MLLT3: variants seen among roughly 807,000 people sequenced by gnomAD.
MLLT3 encodes the protein protein AF-9.
Under a neutral mutation model 53.2 loss-of-function variants are expected in MLLT3, and 4 were observed. That is an observed-to-expected ratio of 0.08 (90% confidence interval 0.04 to 0.17). MLLT3 has a LOEUF of 0.17. Among genes scored for constraint, MLLT3 ranks in the 10% least tolerant of loss-of-function variants. The probability of loss-of-function intolerance (pLI) is 1.00; values close to 1 mark genes in which losing one functional copy is unlikely to be tolerated. For missense variants in MLLT3, 569 were observed against 684.0 expected, an observed-to-expected ratio of 0.83 and a Z score of 1.87; for synonymous variants, 283 against 230.6, an observed-to-expected ratio of 1.23 and a Z score of -2.06.
intron 8 of MLLT3, among the ~76,000 whole-genome samples, chr9:20,356,658 C>T (rs1167330497): frequency 1.3e-5 from 2 of 152,194 alleles, no homozygotes; most frequent in African/African-American, 4.8e-5. Context: ...ATCCCCTCCT[C>T]CAACTCCTGT....
chr9:20,588,789 C>T (rs1046882426), intron 2 of MLLT3, among the ~76,000 whole-genome samples: 3 of 152,170 alleles, frequency 2.0e-5, no homozygotes, highest in Non-Finnish European at 2.9e-5. Flanking sequence ...CATCTGCAAA[C>T]AGGGACAATT....
intron 4 of MLLT3, among the ~76,000 whole-genome samples, chr9:20,443,366 G>C (rs1389464791): frequency 6.6e-6 from 1 of 152,156 alleles, no homozygotes; most frequent in Non-Finnish European, 1.5e-5. Flanking sequence ...CTCTTCTAAG[G>C]AAACACACAG....
At chr9:20,478,258 C>A (rs183283849) in intron 2 of MLLT3, among the ~76,000 whole-genome samples, 9 of 152,248 alleles carry the variant, frequency 5.9e-5, no homozygotes, top group African/African-American at 2.2e-4. Context: ...ACACGGCATT[C>A]TTTGCATACA....
intron 4 of MLLT3, among the ~76,000 whole-genome samples, chr9:20,443,223 C>T (rs184212343): frequency 1.3e-5 from 2 of 152,150 alleles, no homozygotes; most frequent in East Asian, 1.9e-4. Context: ...CAAAGCAGGC[C>T]ATTTGGTTTC....
intron 2 of MLLT3, among the ~76,000 whole-genome samples, chr9:20,518,239 G>A (rs964887077): frequency 2.0e-5 from 3 of 152,070 alleles, no homozygotes; most frequent in Admixed American, 6.5e-5. Flanking sequence ...CAGCTACTCA[G>A]GAGGCTGAGG....
Position 20,621,050 on chromosome 9 carries a change from GC to G in MLLT3, c.13-217del. 1 of 689,920 alleles carries G rather than the reference GC, an allele frequency of 1.4e-6. No homozygotes were observed. 42.7% of individuals were successfully genotyped at this position (689,920 alleles called of 1,614,324 possible). A position where few individuals can be genotyped will look rare whatever the true frequency, so the allele number is the denominator to read the frequency against. ...CCCGGCTTGGCCCCAGGCGCCCCGG[GC>G]CCCGCATCTACATCGGACAGGATTG... On this transcript the variant is annotated intron_variant, in intron 1 of 10. Coordinates refer to ENST00000380338, the MANE Select transcript of MLLT3 (RefSeq NM_004529.4). The surrounding 1 kb of genome is among the most constrained non-coding windows in gnomAD (Gnocchi z 7.0).
At chr9:20,360,621 C>A (rs1821296298) in intron 8 of MLLT3, 121 bp downstream of exon 8, 2 of 763,284 alleles carry the variant, frequency 2.6e-6, no homozygotes, top group Non-Finnish European at 4.6e-6. Context: ...GCCTCCCTCC[C>A]ATCTATTTGG....
chr9:20,544,203 C>A (rs1225797631), intron 2 of MLLT3, among the ~76,000 whole-genome samples: 1 of 152,166 alleles, frequency 6.6e-6, no homozygotes, highest in Non-Finnish European at 1.5e-5. Flanking sequence ...CTTTATAAAA[C>A]TCCTAGAAGA....
intron 5 of MLLT3, among the ~76,000 whole-genome samples, chr9:20,394,300 C>A (rs1300388399): frequency 2.6e-5 from 4 of 152,080 alleles, no homozygotes; most frequent in East Asian, 1.9e-4. Flanking sequence ...GGAGGCAGAG[C>A]AGTTCTTCCG....
intron 5 of MLLT3, among the ~76,000 whole-genome samples, chr9:20,373,936 T>G (rs964628575): frequency 7.0e-6 from 1 of 143,038 alleles, no homozygotes; most frequent in South Asian, 2.1e-4. Context: ...TTGGTCCTTC[T>G]TTCATTAAAA....
At chr9:20,355,095 T>TAAAAAAAAAAAAAAAAAAAAAACA (rs1821138121) in intron 8 of MLLT3, among the ~76,000 whole-genome samples, 1 of 64,164 alleles carries the variant, frequency 1.6e-5, no homozygotes, top group African/African-American at 5.5e-5. Context: ...AAAGTAGAAC[T>TAAAAAAAAAAAAAAAAAAAAAACA]AAAAAAAAAA....
At chr9:20,351,990 T>G (rs1587142015) in intron 10 of MLLT3, among the ~76,000 whole-genome samples, 1 of 152,204 alleles carries the variant, frequency 6.6e-6, no homozygotes, top group African/African-American at 2.4e-5. Flanking sequence ...AGTGCCTTTA[T>G]GCCAGGTTAA....
intron 2 of MLLT3, among the ~76,000 whole-genome samples, chr9:20,589,150 G>A (rs1820058155): frequency 6.7e-6 from 1 of 149,092 alleles, no homozygotes; most frequent in Non-Finnish European, 1.5e-5. Flanking sequence ...GTTTATTGCG[G>A]CACTATTCAC....
chr9:20,483,223 C>T (rs1448881964), intron 2 of MLLT3, among the ~76,000 whole-genome samples: 2 of 126,098 alleles, frequency 1.6e-5, no homozygotes, highest in African/African-American at 3.3e-5. Context: ...TATATTACTA[C>T]AAATTATTAT....
At chr9:20,483,953 C>T (rs542413645) in intron 2 of MLLT3, among the ~76,000 whole-genome samples, 4 of 151,802 alleles carry the variant, frequency 2.6e-5, no homozygotes, top group South Asian at 4.2e-4. Context: ...CCTCATGATC[C>T]GCCCGCCTTG....
At chr9:20,430,351 GTTACA>G (rs568367229) in intron 4 of MLLT3, among the ~76,000 whole-genome samples, 107 of 152,170 alleles carry the variant, frequency 7.0e-4, no homozygotes, top group African/African-American at 2.4e-3. Context: ...ACTAGAACTT[GTTACA>G]TTATATAGCC....
intron 2 of MLLT3, among the ~76,000 whole-genome samples, chr9:20,550,768 T>C (rs1243272915): frequency 1.3e-5 from 2 of 152,114 alleles, no homozygotes; most frequent in Non-Finnish European, 2.9e-5. Flanking sequence ...ATTTATTTAG[T>C]TTTTTAAGAG....
intron 3 of MLLT3, among the ~76,000 whole-genome samples, chr9:20,455,139 G>A (rs990988090): frequency 3.9e-5 from 6 of 152,164 alleles, no homozygotes; most frequent in African/African-American, 1.2e-4. Context: ...AGTATATCAC[G>A]TCAACAGACA....
chr9:20,522,672 A>G (rs1818093348), intron 2 of MLLT3, among the ~76,000 whole-genome samples: 1 of 118,542 alleles, frequency 8.4e-6, no homozygotes, highest in African/African-American at 3.3e-5. Context: ...CAGAATAAAA[A>G]CAGTTGTTTT....
Sources: gnomAD v4.1 joint callset for allele counts (sites outside exome capture counted in the v4.1 genomes callset) on GRCh38, gnomAD v4.1.1 for gene constraint, Gnocchi (gnomAD v3.1) non-coding constraint, MANE v1.5 for transcripts, NCBI Gene and HGNC (gene_info 2026-07-23, HGNC 2026-07-21) for gene names.